The following CADM1 variants were observed in gnomAD, a reference collection of about 807,000 sequenced individuals.
CADM1 encodes the protein cell adhesion molecule 1, also known as TSLC-1.
Under a neutral mutation model 53.1 loss-of-function variants are expected in CADM1, and 15 were observed. That is an observed-to-expected ratio of 0.28 (90% CI 0.19 to 0.44). The LOEUF is 0.44. Among genes scored for constraint, CADM1 ranks in the 20% least tolerant of loss-of-function variants. The probability of loss-of-function intolerance (pLI) is 1.00; values close to 1 mark genes in which losing one functional copy is unlikely to be tolerated. For synonymous variants in CADM1, 281 were observed against 243.0 expected (o/e 1.16, Z -1.45); for missense variants, 434 against 611.3 (o/e 0.71, Z 3.06).
intron 1 of CADM1, among the ~76,000 whole-genome samples, chr11:115,359,460 C>T (rs1246827495): frequency 6.6e-6 from 1 of 152,092 alleles, no homozygotes; most frequent in Non-Finnish European, 1.5e-5. Context: ...ATAGCCATGT[C>T]AGTAACAACC....
At chr11:115,216,954 A>G (rs1028580138) in intron 6 of CADM1, among the ~76,000 whole-genome samples, 3 of 152,220 alleles carry the variant, frequency 2.0e-5, no homozygotes, top group Admixed American at 6.5e-5. Flanking sequence ...TCTTTGAGGG[A>G]AAAAACAAAA....
intron 1 of CADM1, among the ~76,000 whole-genome samples, chr11:115,477,012 T>TA (rs1379601601): frequency 1.9e-4 from 29 of 151,804 alleles, no homozygotes; most frequent in Admixed American, 5.3e-4. Flanking sequence ...AGCATTTCTT[T>TA]AAAAAAAAGA....
intron 1 of CADM1, among the ~76,000 whole-genome samples, chr11:115,487,897 A>T (rs1413056400): frequency 2.0e-5 from 3 of 152,230 alleles, no homozygotes; most frequent in African/African-American, 7.2e-5. Flanking sequence ...TCAAAGATAC[A>T]ATTTTTCTTG....
chr11:115,423,971 G>A (rs931156345), intron 1 of CADM1, among the ~76,000 whole-genome samples: 7 of 152,144 alleles, frequency 4.6e-5, no homozygotes, highest in Non-Finnish European at 8.8e-5. Flanking sequence ...CCTGGTCATC[G>A]TTTCCATCTT....
chr11:115,407,873 TAAAAAAAAAAAA>T (rs148209064), intron 1 of CADM1, among the ~76,000 whole-genome samples: 93 of 31,748 alleles, frequency 2.9e-3, no homozygotes, highest in African/African-American at 0.011. Flanking sequence ...CCCTGTCATT[TAAAAAAAAAAAA>T]AAAAAAAAAA....
intron 1 of CADM1, among the ~76,000 whole-genome samples, chr11:115,426,573 C>T (rs1034216299): frequency 2.6e-5 from 4 of 152,100 alleles, no homozygotes; most frequent in Non-Finnish European, 5.9e-5. Context: ...GTGTACTTAG[C>T]GCAGAAACAC....
chr11:115,332,764 ATAAATT>A lies in CADM1; in HGVS notation c.125-92350_125-92345del, dbSNP rs1333749569. On this transcript the variant is annotated intron_variant, in intron 1 of 11. Coordinates refer to ENST00000331581, the MANE Select transcript of CADM1 (RefSeq NM_001301043.2). ...GGTATGACTGATTTTTGTAAACTTCATAAATTTAAAGTCCTTGAGAAATAAAAATAT... is the reference window on the plus strand; with the variant it reads ...GGTATGACTGATTTTTGTAAACTTCATAAAGTCCTTGAGAAATAAAAATAT... 3.2e-4 allele frequency among the ~76,000 whole-genome samples: 49 copies of A among 152,298 alleles called. 1 individual carries two copies. In the East Asian group the frequency reaches 8.7e-3, roughly 27 times the overall value.
intron 1 of CADM1, among the ~76,000 whole-genome samples, chr11:115,262,428 T>C (rs147661314): frequency 1.6e-3 from 242 of 152,320 alleles, no homozygotes; most frequent in Non-Finnish European, 2.7e-3. Flanking sequence ...CTTACTTATA[T>C]TACAAAGGCT....
intron 1 of CADM1, among the ~76,000 whole-genome samples, chr11:115,406,687 C>T (rs1373097646): frequency 6.6e-6 from 1 of 150,910 alleles, no homozygotes; most frequent in East Asian, 1.9e-4. Context: ...TGGCTCACGC[C>T]TCTAATCCCA....
chr11:115,254,866 C>A (rs918822786), intron 1 of CADM1, among the ~76,000 whole-genome samples: 1 of 152,118 alleles, frequency 6.6e-6, no homozygotes, highest in Non-Finnish European at 1.5e-5. Flanking sequence ...TGCACTGTAT[C>A]TTGTAATCAA....
intron 5 of CADM1, among the ~76,000 whole-genome samples, chr11:115,227,874 T>G (rs1941670378): frequency 6.6e-6 from 1 of 152,230 alleles, no homozygotes; most frequent in African/African-American, 2.4e-5. Context: ...TGTATGGAGT[T>G]GAATGGTGGC....
At chr11:115,367,286 C>T (rs560545879) in intron 1 of CADM1, among the ~76,000 whole-genome samples, 8 of 152,154 alleles carry the variant, frequency 5.3e-5, no homozygotes, top group Admixed American at 2.6e-4. Context: ...ATATCCTGAA[C>T]GTTGTTAGAG....
chr11:115,403,103 A>C (rs1165803701), intron 1 of CADM1, among the ~76,000 whole-genome samples: 1 of 152,246 alleles, frequency 6.6e-6, no homozygotes, highest in Non-Finnish European at 1.5e-5. Context: ...TAACGTTGCC[A>C]ATAACAGGAT....
intron 1 of CADM1, among the ~76,000 whole-genome samples, chr11:115,260,834 G>A (rs1188852114): frequency 3.1e-5 from 4 of 129,092 alleles, no homozygotes; most frequent in Admixed American, 7.7e-5. Flanking sequence ...CACCACCCCC[G>A]GCTAATTTTT....
intron 1 of CADM1, among the ~76,000 whole-genome samples, chr11:115,348,560 T>C (rs1249366038): frequency 6.6e-6 from 1 of 152,168 alleles, no homozygotes; most frequent in Non-Finnish European, 1.5e-5. Flanking sequence ...TTCAAAATGC[T>C]TTTACTTTGT....
intron 1 of CADM1, among the ~76,000 whole-genome samples, chr11:115,392,066 T>C (rs936320363): frequency 1.3e-5 from 2 of 152,194 alleles, no homozygotes; most frequent in African/African-American, 4.8e-5. Context: ...TGTCATATTC[T>C]CATTACAGCC....
At chr11:115,325,179 T>C (rs1327278763) in intron 1 of CADM1, among the ~76,000 whole-genome samples, 1 of 152,128 alleles carries the variant, frequency 6.6e-6, no homozygotes, top group African/African-American at 2.4e-5. Flanking sequence ...TGGCCATAGG[T>C]CACCAACAAT....
rs1939167315 is a variant in CADM1 at position 115,178,765 on chromosome 11, T to G, written c.1176A>C (p.Ala392=). Residue 392 remains alanine (A), a synonymous_variant, in exon 11 of 12, where the codon GCA becomes GCC. Coordinates refer to ENST00000331581, the MANE Select transcript of CADM1 (RefSeq NM_001301043.2). ...LDSEDLSDSR[A]GEEGSIRAVD... ...CTGCCCTGATCGAGCCTTCTTCACC[T>G]GCTCGGGAATCTGTTAAAATCAGAA... The G allele has an allele frequency of 1.9e-6, 3 of 1,614,038 alleles. No homozygotes were observed. The highest frequency in any genetic ancestry group is 2.5e-6 in the Non-Finnish European group (3 of 1,180,012).
At chr11:115,186,777 C>T (rs968327233) in intron 10 of CADM1, among the ~76,000 whole-genome samples, 9 of 152,224 alleles carry the variant, frequency 5.9e-5, no homozygotes, top group Non-Finnish European at 1.2e-4. Context: ...TGACCTCCAC[C>T]TTCTTCCAGC....
Sources: allele counts gnomAD v4.1 joint callset (sites outside exome capture counted in the v4.1 genomes callset), GRCh38; gene constraint gnomAD v4.1.1; transcripts MANE v1.5; gene names NCBI Gene and HGNC (gene_info 2026-07-23, HGNC 2026-07-21).